Variants in ANO4 observed in about 807,000 individuals in gnomAD.
ANO4 encodes anoctamin 4, also known as anoctamin-4.
Under a neutral mutation model 141.9 loss-of-function variants are expected in ANO4, and 69 were observed. That is an observed-to-expected ratio of 0.49 (90% CI 0.40 to 0.59). The LOEUF is 0.59. Among genes scored for constraint, ANO4 ranks in the 20% least tolerant of loss-of-function variants. The pLI is 0.00. For missense variants in ANO4, 894 were observed against 1,162.2 expected (o/e 0.77, Z 3.36); for synonymous variants, 350 against 394.3 (o/e 0.89, Z 1.33).
intron 9 of ANO4, among the ~76,000 whole-genome samples, chr12:101,025,492 A>G (rs2046696828): frequency 6.6e-6 from 1 of 152,218 alleles, no homozygotes; most frequent in African/African-American, 2.4e-5. Flanking sequence ...CAGGGCTAGA[A>G]CCTTGAAGAT....
chr12:100,812,743 A>T (rs2035518997), intron 1 of ANO4, among the ~76,000 whole-genome samples: 1 of 152,194 alleles, frequency 6.6e-6, no homozygotes, highest in African/African-American at 2.4e-5. Context: ...CACCAACATC[A>T]GATAAGAATT....
At chr12:101,073,566 T>TATTATAATAATA (rs1555294618) in intron 14 of ANO4, among the ~76,000 whole-genome samples, 1 of 143,634 alleles carries the variant, frequency 7.0e-6, no homozygotes, top group Admixed American at 7.0e-5. Context: ...GAACTTAAAG[T>TATTATAATAATA]ATAATAATAA....
At chr12:101,056,294 A>C (rs1399484700) in intron 14 of ANO4, among the ~76,000 whole-genome samples, 1 of 152,132 alleles carries the variant, frequency 6.6e-6, no homozygotes, top group Non-Finnish European at 1.5e-5. Flanking sequence ...TATTATTTTC[A>C]ATGTACAAGG....
chr12:100,828,970 A>T (rs2061905575), intron 1 of ANO4, among the ~76,000 whole-genome samples: 1 of 151,802 alleles, frequency 6.6e-6, no homozygotes, highest in African/African-American at 2.4e-5. Flanking sequence ...CAGTGAGTCG[A>T]GATTGTGCCA....
In ANO4 at chr12:101,028,986, G is replaced by A. The variant is rs111650478; in HGVS notation, c.842-8109G>A. Among the ~76,000 whole-genome samples the A allele has an allele frequency of 4.2e-3, 639 of 152,302 alleles. 5 individuals are homozygous for A. Among genetic ancestry groups the A allele is most frequent in the Middle Eastern group, 0.01 (3 of 294 alleles). Reference sequence around the variant, plus strand: ...CATCAGACTAACAATGCACCTCTCAGCAGAAACTCCACAAGTCAGAAGAGA... The same window carrying A: ...CATCAGACTAACAATGCACCTCTCAACAGAAACTCCACAAGTCAGAAGAGA... On this transcript the variant is annotated intron_variant, in intron 9 of 27. Coordinates refer to ENST00000392977, the MANE Select transcript of ANO4 (RefSeq NM_001286615.2).
At chr12:101,082,164 T>C (rs1056556779) in intron 15 of ANO4, among the ~76,000 whole-genome samples, 1 of 151,758 alleles carries the variant, frequency 6.6e-6, no homozygotes, top group Non-Finnish European at 1.5e-5. Context: ...TGGGGGTGGG[T>C]TTTTCCTGTG....
At chr12:100,858,985 G>A (rs1041678832) in intron 1 of ANO4, 4 of 152,190 alleles carry the variant, frequency 2.6e-5, no homozygotes, top group Admixed American at 6.6e-5. Flanking sequence ...CAGAGAAGAA[G>A]AGGAATGCTT....
rs115971715 is a variant in ANO4, at chr12:100,973,868, G to A, written c.558-977G>A. Among the ~76,000 whole-genome samples, 994 of 152,150 alleles carry A rather than the reference G, an allele frequency of 6.5e-3. 15 individuals carry two copies. Among genetic ancestry groups the A allele is most frequent in the African/African-American group, 0.023 (949 of 41,508 alleles). On this transcript the variant is annotated intron_variant, in intron 6 of 27. Coordinates refer to ENST00000392977, the MANE Select transcript of ANO4 (RefSeq NM_001286615.2). ...TGTTTCATCACCTTCCTTCTCCCCC[G>A]ACCTGTACCTCTGGCAACCACTGAT... is the stretch of plus-strand genomic sequence containing the variant.
chr12:101,028,339 T>C (rs1471340420), intron 9 of ANO4, among the ~76,000 whole-genome samples: 1 of 152,062 alleles, frequency 6.6e-6, no homozygotes, highest in Non-Finnish European at 1.5e-5. Flanking sequence ...ATGGACAAAT[T>C]GACATAAGTA....
At position 100,919,722 on chromosome 12, in the gene ANO4, A is replaced by ATGTG. The variant is rs1285242310; in HGVS notation, c.56-2500_56-2497dup. Among the ~76,000 whole-genome samples the ATGTG allele has an allele frequency of 8.6e-3, 1,120 of 130,176 alleles. 10 individuals carry two copies. The highest frequency in any genetic ancestry group is 0.011 in the Admixed American group (144 of 12,666). The allele number at this position is 130,176 out of a possible 152,430, so 85.4% of individuals were successfully genotyped here. On this transcript the variant is annotated intron_variant, in intron 2 of 27. Transcript: ENST00000392977. The stretch of plus-strand genomic sequence containing the variant: ...TGTGTGTGTATGTATGTATGTATGT[A>ATGTG]TGTGTGTATGTATGTATCTATCTAT...
intron 3 of ANO4, among the ~76,000 whole-genome samples, chr12:100,772,037 C>T (rs1164877761): frequency 1.3e-5 from 2 of 152,186 alleles, no homozygotes; most frequent in Non-Finnish European, 2.9e-5. Flanking sequence ...GAAACTGACT[C>T]TTCCTGGAGG....
intron 2 of ANO4, among the ~76,000 whole-genome samples, chr12:100,907,928 A>G (rs1297872239): frequency 6.6e-6 from 1 of 151,802 alleles, no homozygotes; most frequent in Non-Finnish European, 1.5e-5. Flanking sequence ...CCTTTCCTTT[A>G]ATTGATATCC....
At chr12:101,106,783 T>C (rs995263131) in intron 22 of ANO4, among the ~76,000 whole-genome samples, 2 of 151,810 alleles carry the variant, frequency 1.3e-5, no homozygotes, top group Non-Finnish European at 2.9e-5. Context: ...CTTCCATGGG[T>C]ATATGGAAGT....
At chr12:100,819,877 C>T (rs1397104799) in intron 1 of ANO4, among the ~76,000 whole-genome samples, 1 of 151,884 alleles carries the variant, frequency 6.6e-6, no homozygotes, top group African/African-American at 2.4e-5. Flanking sequence ...TTGCTTACTC[C>T]AACTCCATGC....
chr12:101,008,193 C>T (rs1448997889), intron 8 of ANO4, among the ~76,000 whole-genome samples: 1 of 151,718 alleles, frequency 6.6e-6, no homozygotes, highest in Non-Finnish European at 1.5e-5. Flanking sequence ...CCTTTCCTAC[C>T]ACCTTATAAA....
At chr12:101,118,921 A>G (rs1490741154) in intron 25 of ANO4, among the ~76,000 whole-genome samples, 5 of 137,214 alleles carry the variant, frequency 3.6e-5, no homozygotes, top group Admixed American at 1.6e-4. Context: ...CCTGTGTCCA[A>G]GTGTTCTCAT....
intron 22 of ANO4, among the ~76,000 whole-genome samples, chr12:101,108,831 T>C (rs532692285): frequency 6.6e-6 from 1 of 152,308 alleles, no homozygotes; most frequent in African/African-American, 2.4e-5. Context: ...TTCTATACCT[T>C]ACTTTTGCTA....
intron 1 of ANO4, among the ~76,000 whole-genome samples, chr12:100,812,073 C>A (rs779599459): frequency 6.6e-6 from 1 of 152,100 alleles, no homozygotes; most frequent in African/African-American, 2.4e-5. Flanking sequence ...CTCTTCTCTC[C>A]CCCCACAGAC....
chr12:101,061,135 A>G (rs2048328565), intron 14 of ANO4, among the ~76,000 whole-genome samples: 1 of 152,186 alleles, frequency 6.6e-6, no homozygotes, highest in Non-Finnish European at 1.5e-5. Context: ...TCCTACGCTT[A>G]CGAAGCTTAG....
Sources: gnomAD v4.1 joint callset for allele counts (sites outside exome capture counted in the v4.1 genomes callset) on GRCh38, gnomAD v4.1.1 for gene constraint, MANE v1.5 for transcripts, NCBI Gene and HGNC (gene_info 2026-07-23, HGNC 2026-07-21) for gene names.